Variants in RASGRP3 observed in about 807,000 individuals in gnomAD.
RASGRP3 encodes the protein ras guanyl-releasing protein 3.
Under a neutral mutation model 82.7 loss-of-function variants are expected in RASGRP3, and 54 were observed. The ratio of observed to expected loss-of-function variants is 0.65; its 90% CI spans 0.52 to 0.82. The LOEUF is 0.82. Among genes scored for constraint, RASGRP3 ranks in the 40% least tolerant of loss-of-function variants. The pLI is 0.00. For missense variants in RASGRP3, 861 were observed against 828.9 expected (o/e 1.04, Z -0.48); for synonymous variants, 309 against 300.5 (o/e 1.03, Z -0.29).
chr2:33,486,986 A>G (rs1175543004), intron 1 of RASGRP3, among the ~76,000 whole-genome samples: 1 of 152,206 alleles, frequency 6.6e-6, no homozygotes, highest in African/African-American at 2.4e-5. Context: ...AGACAAAATA[A>G]ATGATAATTA....
chr2:33,459,844 A>G (rs2150896598), intron 2 of RASGRP3, among the ~76,000 whole-genome samples: 1 of 152,272 alleles, frequency 6.6e-6, no homozygotes, highest in East Asian at 1.9e-4. Flanking sequence ...GGAACAAGCA[A>G]TAAATTTTTT....
intron 2 of RASGRP3, among the ~76,000 whole-genome samples, chr2:33,464,430 ATTATATT>A (rs1666566207): frequency 6.8e-6 from 1 of 146,642 alleles, no homozygotes; most frequent in Non-Finnish European, 1.5e-5. Flanking sequence ...TTAAATTATT[ATTATATT>A]TTATATCTAT....
intron 11 of RASGRP3, among the ~76,000 whole-genome samples, chr2:33,536,328 A>G (rs1673603635): frequency 7.0e-6 from 1 of 142,552 alleles, no homozygotes; most frequent in Non-Finnish European, 1.6e-5. Context: ...AAAAGAAAAA[A>G]AAAAAAAAAC....
chr2:33,477,532 T>C lies in RASGRP3; in HGVS notation c.-261+825T>C, dbSNP rs558291547. The stretch of plus-strand genomic sequence containing the variant: ...GGAAAGTGCTGCCTGCAGCTGATGA[T>C]TAACTCTGGGAGGCCTGGCATCCAA... On this transcript the variant is annotated intron_variant, in intron 1 of 17. Transcript: ENST00000403687. 2.0e-5 allele frequency among the ~76,000 whole-genome samples: 3 copies of C among 152,356 alleles called. No individual in the cohort carries two copies. The East Asian group carries it at 5.8e-4, about 29-fold the overall frequency.
At chr2:33,498,498 G>A (rs951954739) in intron 1 of RASGRP3, among the ~76,000 whole-genome samples, 1 of 152,140 alleles carries the variant, frequency 6.6e-6, no homozygotes, top group Non-Finnish European at 1.5e-5. Context: ...TGTCACATGG[G>A]CTTTCACAGA....
intron 2 of RASGRP3, among the ~76,000 whole-genome samples, chr2:33,464,478 TAAA>T (rs869137733): frequency 3.0e-5 from 4 of 134,052 alleles, no homozygotes; most frequent in East Asian, 4.6e-4. Context: ...GATCTTTTTT[TAAA>T]AAAAAAAAAA....
At position 33,520,540 on chromosome 2, in the gene RASGRP3, T is replaced by C. The variant is rs755187282; in HGVS notation, c.237-13T>C. ...CAATCTTCCAGCTGCCAAAAATATT[T>C]GATGCCTTTCAGGTACTGGATTCTG... On this transcript the variant is annotated splice_polypyrimidine_tract_variant and intron_variant, in intron 5 of 17. Coordinates refer to ENST00000403687, the MANE Select transcript of RASGRP3 (RefSeq NM_001139488.2). The C allele has an allele frequency of 1.9e-6, 3 of 1,612,408 alleles. No homozygotes were observed. The highest frequency in any genetic ancestry group is 2.5e-6 in the Non-Finnish European group (3 of 1,178,638).
Position 33,547,199 on chromosome 2 carries a change from A to G in RASGRP3, c.1395-2405A>G, listed in dbSNP as rs528564911. ...AGGTTCTCACTTCTAAGTGAGAGCT[A>G]AATGATGAGAACTCAAGAACACAAA... On this transcript the variant is annotated intron_variant, in intron 13 of 17. Coordinates refer to ENST00000403687, the MANE Select transcript of RASGRP3 (RefSeq NM_001139488.2). Among the ~76,000 whole-genome samples the G allele has an allele frequency of 1.1e-4, 16 of 152,256 alleles. 1 individual carries two copies. The South Asian group carries it at 3.3e-3, about 32-fold the overall frequency.
intron 1 of RASGRP3, among the ~76,000 whole-genome samples, chr2:33,497,128 T>C (rs1002064796): frequency 1.3e-5 from 2 of 152,184 alleles, no homozygotes; most frequent in Admixed American, 1.3e-4. Context: ...TAATAAAATA[T>C]TTTGTGTTGC....
In RASGRP3 at chr2:33,559,009, A is replaced by C. The variant is rs759076984; in HGVS notation, c.2043A>C (p.Glu681Asp). The C allele has an allele frequency of 5.5e-5, 89 of 1,611,322 alleles. No homozygotes were observed. ...TEFELDQDEG[E>D]ETRQDGEDG is the part of the protein sequence containing the mutation. ...TTGAACTTGACCAGGATGAAGGAGA[A>C]GAGACCAGACAGGATGGTGAGGTAA... The change falls in exon 17 of 18, where the codon GAA becomes GAC. Residue 681 changes from glutamate (E) to aspartate (D), a missense_variant. Coordinates refer to ENST00000403687, the MANE Select transcript of RASGRP3 (RefSeq NM_001139488.2).
Position 33,485,450 on chromosome 2 carries a change from G to C in RASGRP3, c.-261+8743G>C, listed in dbSNP as rs1668289000. Among the ~76,000 whole-genome samples the C allele has an allele frequency of 1.3e-5, 2 of 152,144 alleles. 1 individual carries two copies. Among genetic ancestry groups the C allele is most frequent in the South Asian group, 4.1e-4 (2 of 4,820 alleles). On this transcript the variant is annotated intron_variant, in intron 1 of 17. Transcript: ENST00000403687. ...GGTGTTCTCTCAACTGTGCTGCCCT[G>C]CATCTTTGGCAGGGTGCTACTGCAG...
intron 16 of RASGRP3, 150 bp from the exon 17 acceptor site, chr2:33,558,522 A>G: frequency 8.9e-7 from 1 of 1,118,054 alleles, no homozygotes; most frequent in Non-Finnish European, 1.2e-6. Context: ...AGTCTCAGGA[A>G]TATGTAACTT....
chr2:33,472,282 A>G (rs903939152), upstream of RASGRP3, among the ~76,000 whole-genome samples: 1 of 152,226 alleles, frequency 6.6e-6, no homozygotes, highest in African/African-American at 2.4e-5. Context: ...TAATTATAAT[A>G]CAGAAAGAAA....
intron 16 of RASGRP3, 93 bp from the exon 17 acceptor site, chr2:33,558,579 T>G: frequency 8.2e-7 from 1 of 1,221,516 alleles, no homozygotes; most frequent in East Asian, 2.4e-5. Context: ...CTCTAGAATG[T>G]TGCATGCCAG....
rs2305578 is a variant in RASGRP3 at position 33,515,122 on chromosome 2, A to G, written c.-15A>G. On this transcript the variant is annotated 5_prime_UTR_variant, in exon 3 of 18. Coordinates refer to ENST00000403687, the MANE Select transcript of RASGRP3 (RefSeq NM_001139488.2). ...CTGAAAATGTCTCTAGTTTTTTGAC[A>G]ACGGCTAAATAACCATGGGATCAAG... 1,206 of 1,613,622 alleles carry G rather than the reference A, an allele frequency of 7.5e-4. 11 individuals carry two copies. The East Asian group carries it at 0.015, about 19-fold the overall frequency.
chr2:33,558,302 T>C lies in RASGRP3; in HGVS notation c.1671T>C (p.His557=), dbSNP rs1189159841. 1.9e-6 allele frequency: 3 copies of C among 1,613,740 alleles called. No individual in the cohort carries two copies. The highest frequency in any genetic ancestry group is 3.3e-5 in the Admixed American group (2 of 60,014). ...FARAPSLSSG[H]GSLPGSPSLP... The stretch of plus-strand genomic sequence containing the variant: ...GGGCGCCCTCCTTGAGCAGTGGTCA[T>C]GGGTCACTGCCTGGAAGCCCCTCGC... Residue 557 remains histidine, a synonymous_variant, in exon 16 of 18, where the codon CAT becomes CAC. Transcript: ENST00000403687.
chr2:33,478,732 T>G (rs1039112732), intron 1 of RASGRP3, among the ~76,000 whole-genome samples: 1 of 152,254 alleles, frequency 6.6e-6, no homozygotes, highest in Non-Finnish European at 1.5e-5. Context: ...GTATCAAAGA[T>G]GAGGAAACTG....
intron 13 of RASGRP3, among the ~76,000 whole-genome samples, chr2:33,547,036 C>A (rs1021033974): frequency 8.0e-6 from 1 of 124,358 alleles, no homozygotes; most frequent in Non-Finnish European, 1.6e-5. Flanking sequence ...GTAACAAGAG[C>A]GAATCTCTGT....
At chr2:33,515,498 A>G (rs1671372554) in intron 3 of RASGRP3, among the ~76,000 whole-genome samples, 1 of 152,160 alleles carries the variant, frequency 6.6e-6, no homozygotes, top group Admixed American at 6.5e-5. Flanking sequence ...ATTCTGCTTC[A>G]GGGCCCTCTC....
Sources: gnomAD v4.1 joint callset for allele counts (sites outside exome capture counted in the v4.1 genomes callset) on GRCh38, gnomAD v4.1.1 for gene constraint, MANE v1.5 for transcripts, NCBI Gene and HGNC (gene_info 2026-07-23, HGNC 2026-07-21) for gene names.